DGKK: variants seen among roughly 807,000 people sequenced by gnomAD.
DGKK encodes the protein 142 kDa diacylglycerol kinase.
In DGKK, 35 loss-of-function variants were observed where a neutral mutation model predicts 92.2. That is an observed-to-expected ratio of 0.38 (90% CI 0.29 to 0.50). The LOEUF is 0.50. Ranked by LOEUF, DGKK falls within the 20% of genes least tolerant of loss-of-function variation. The pLI is 0.92. For missense variants in DGKK, 910 were observed against 992.2 expected (o/e 0.92, Z 1.11); for synonymous variants, 368 against 360.6 (o/e 1.02, Z -0.23).
intron 1 of DGKK, among the ~76,000 whole-genome samples, chrX:50,442,884 T>C (rs1926202154): frequency 1.8e-5 from 2 of 110,318 alleles, no homozygotes; most frequent in African/African-American, 3.3e-5. Context: ...GGTTACAAGA[T>C]TGAGGTCTCA....
At chrX:50,429,478 G>A (rs1241897332) in intron 1 of DGKK, among the ~76,000 whole-genome samples, 4 of 111,855 alleles carry the variant, frequency 3.6e-5, no homozygotes, top group Non-Finnish European at 7.5e-5. Flanking sequence ...GAGGTCAGGA[G>A]ATCGAGACCA....
At chrX:50,378,498 A>T in intron 21 of DGKK, 80 bp downstream of exon 21, 1 of 914,504 alleles carries the variant, frequency 1.1e-6, no homozygotes, top group Non-Finnish European at 1.5e-6. Flanking sequence ...CTACCCAGTT[A>T]ATTCCTGGGA....
At chrX:50,444,047 G>A (rs781959133) in intron 1 of DGKK, among the ~76,000 whole-genome samples, 8 of 111,197 alleles carry the variant, frequency 7.2e-5, no homozygotes, top group African/African-American at 2.0e-4. Flanking sequence ...TCCATGATAA[G>A]AATGTGCCAT....
chrX:50,419,833 G>A (rs1925528437), intron 4 of DGKK, among the ~76,000 whole-genome samples: 1 of 111,645 alleles, frequency 9.0e-6, no homozygotes, highest in Non-Finnish European at 1.9e-5. Flanking sequence ...AGGTAAAAAA[G>A]AACCCTGCTA....
chrX:50,391,814 G>T (rs1045192259), intron 10 of DGKK, among the ~76,000 whole-genome samples: 1 of 111,930 alleles, frequency 8.9e-6, no homozygotes, highest in East Asian at 2.8e-4. Flanking sequence ...AAAAGTTGCC[G>T]GAATATGACA....
chrX:50,462,932 G>T (rs1557233535), intron 1 of DGKK, among the ~76,000 whole-genome samples: 1 of 67,043 alleles, frequency 1.5e-5, no homozygotes, highest in Non-Finnish European at 2.6e-5. Flanking sequence ...AACAGTGAAG[G>T]CTGAAAGATA....
intron 1 of DGKK, among the ~76,000 whole-genome samples, chrX:50,445,629 C>T (rs1462797279): frequency 9.0e-6 from 1 of 110,817 alleles, no homozygotes; most frequent in Non-Finnish European, 1.9e-5. Context: ...TATTCTGTTC[C>T]GTTGGTCTAT....
chrX:50,433,283 T>C (rs990728589), intron 1 of DGKK, among the ~76,000 whole-genome samples: 1 of 112,032 alleles, frequency 8.9e-6, no homozygotes, highest in Admixed American at 9.5e-5. Context: ...CTCCCTGCCC[T>C]GTTAGAGATT....
At chrX:50,400,239 A>G (rs1924966922) in intron 8 of DGKK, among the ~76,000 whole-genome samples, 1 of 111,600 alleles carries the variant, frequency 9.0e-6, no homozygotes, top group Non-Finnish European at 1.9e-5. Context: ...TCTTAAACAA[A>G]CACAAAAACT....
intron 1 of DGKK, among the ~76,000 whole-genome samples, chrX:50,455,001 T>G (rs1926576124): frequency 8.9e-6 from 1 of 112,220 alleles, no homozygotes; most frequent in African/African-American, 3.2e-5. Context: ...ATGTACACGT[T>G]TTGTCTTTCA....
intron 1 of DGKK, among the ~76,000 whole-genome samples, chrX:50,460,514 G>T (rs147117000): frequency 1.8e-5 from 2 of 111,322 alleles, no homozygotes; most frequent in Admixed American, 9.5e-5. Flanking sequence ...GAAACAAGGG[G>T]TAAGAATCCC....
rs1418429026 is a variant in DGKK at position 50,375,165 on chromosome X, G to C, written c.3415-108C>G. ...GTGGGAAGGTAGAAGCAGGCTAGTA[G>C]GATGTGGCTATAGGTGAAAAAGCAA... On this transcript the variant is annotated intron_variant, in intron 24 of 27. Coordinates refer to ENST00000611977, the MANE Select transcript of DGKK (RefSeq NM_001013742.4). 1.1e-5 allele frequency: 6 copies of C among 542,487 alleles called. No homozygotes were observed. In the Admixed American group the frequency reaches 1.9e-4, roughly 17 times the overall value. 44.7% of individuals were successfully genotyped at this position (542,487 alleles called of 1,213,427 possible). A position where few individuals can be genotyped will look rare whatever the true frequency, so the allele number is the denominator to read the frequency against.
intron 2 of DGKK, 33 bp downstream of exon 2, chrX:50,424,215 C>A (rs367669583): frequency 1.2e-5 from 14 of 1,161,738 alleles, no homozygotes; most frequent in African/African-American, 1.8e-5. Context: ...GGCACCCACC[C>A]ATTAATCTAG....
At chrX:50,465,996 A>AT (rs200020053) in intron 1 of DGKK, among the ~76,000 whole-genome samples, 915 of 49,874 alleles carry the variant, frequency 0.018, 16 homozygotes, top group African/African-American at 0.063. Flanking sequence ...TTCTATGGAT[A>AT]TTTTTTTCTT....
intron 8 of DGKK, among the ~76,000 whole-genome samples, chrX:50,400,217 T>G (rs1557226477): frequency 8.9e-6 from 1 of 111,747 alleles, no homozygotes; most frequent in African/African-American, 3.3e-5. Flanking sequence ...GATACCTCCA[T>G]GTCTTACTTA....
At chrX:50,434,164 C>A (rs1925960284) in intron 1 of DGKK, among the ~76,000 whole-genome samples, 1 of 110,334 alleles carries the variant, frequency 9.1e-6, no homozygotes, top group African/African-American at 3.3e-5. Flanking sequence ...AGCTGTGGCT[C>A]CTGTTGTGAC....
At chrX:50,392,595 G>T (rs1430242320) in intron 9 of DGKK, 146 bp from the exon 10 acceptor site, 17 of 479,041 alleles carry the variant, frequency 3.5e-5, no homozygotes, top group Non-Finnish European at 6.2e-5. Flanking sequence ...TTATCTGTCT[G>T]TGGGATCTAA....
chrX:50,460,712 T>C (rs1029429366), intron 1 of DGKK, among the ~76,000 whole-genome samples: 4 of 111,900 alleles, frequency 3.6e-5, no homozygotes, highest in Non-Finnish European at 7.5e-5. Context: ...TTGGGTTGTA[T>C]ACAGTTTATT....
chrX:50,430,377 C>G (rs1422557268), intron 1 of DGKK, among the ~76,000 whole-genome samples: 5 of 112,208 alleles, frequency 4.5e-5, no homozygotes, highest in Non-Finnish European at 9.4e-5. Context: ...CCACAGCACA[C>G]TGCAGGCAGG....
Sources: gnomAD v4.1 joint callset for allele counts (sites outside exome capture counted in the v4.1 genomes callset) on GRCh38, gnomAD v4.1.1 for gene constraint, MANE v1.5 for transcripts, NCBI Gene and HGNC (gene_info 2026-07-23, HGNC 2026-07-21) for gene names.